MAD1L1: variants seen among roughly 807,000 people sequenced by gnomAD.
MAD1L1 encodes the protein mitotic arrest deficient 1 like 1.
A neutral mutation model predicts 96.9 loss-of-function variants in MAD1L1; 95 were observed. The ratio of observed to expected loss-of-function variants is 0.98; its 90% CI spans 0.83 to 1.16. The LOEUF (loss-of-function observed/expected upper bound fraction) is 1.16, where lower values mean the gene tolerates loss of function less well. MAD1L1 is among the 50% of genes most tolerant of loss of function. The pLI is 0.00. For synonymous variants in MAD1L1, 473 were observed against 396.6 expected (o/e 1.19, Z -2.29); for missense variants, 1,007 against 954.4 (o/e 1.06, Z -0.73).
At chr7:1,847,431 G>T (rs1318539859) in intron 18 of MAD1L1, 1 of 470,830 alleles carries the variant, frequency 2.1e-6, no homozygotes, top group Non-Finnish European at 4.4e-6. Context: ...CCAGGAGACA[G>T]TGGAGACCTC....
rs533756722 is a variant in MAD1L1, at chr7:2,011,113, G to A, written c.1359+3389C>T. On this transcript the variant is annotated intron_variant, in intron 13 of 18. Transcript: ENST00000265854. ...CTCTGTGGGGTCAGGAGCCCTCCCCGGCTGGGGCGATGGCGGCCCCCCACC... is the reference window on the plus strand; with the variant it reads ...CTCTGTGGGGTCAGGAGCCCTCCCCAGCTGGGGCGATGGCGGCCCCCCACC... Among the ~76,000 whole-genome samples the A allele has an allele frequency of 1.6e-3, 238 of 152,302 alleles. 5 individuals carry two copies. The highest frequency in any genetic ancestry group is 3.0e-3 in the Admixed American group (46 of 15,306).
intron 12 of MAD1L1, among the ~76,000 whole-genome samples, chr7:2,024,121 T>G (rs1425061389): frequency 7.3e-6 from 1 of 136,500 alleles, no homozygotes; most frequent in Non-Finnish European, 1.6e-5. Context: ...AAAAAAAAAA[T>G]AAAAAAAAGG....
intron 18 of MAD1L1, among the ~76,000 whole-genome samples, chr7:1,882,927 C>T (rs1049386114): frequency 1.4e-5 from 2 of 147,174 alleles, no homozygotes; most frequent in South Asian, 2.1e-4. Context: ...GCCCCAGGAA[C>T]CAGCTCTTTA....
chr7:2,059,493 G>A (rs1255491275), intron 12 of MAD1L1, among the ~76,000 whole-genome samples: 2 of 151,170 alleles, frequency 1.3e-5, no homozygotes, highest in African/African-American at 4.9e-5. Flanking sequence ...TGTGGCCAGA[G>A]GAGAGGAAAG....
At chr7:2,081,849 G>A (rs924894903) in intron 11 of MAD1L1, among the ~76,000 whole-genome samples, 1 of 152,242 alleles carries the variant, frequency 6.6e-6, no homozygotes, top group Middle Eastern at 3.2e-3. Flanking sequence ...GGGGAGGCTG[G>A]GCCTTCATGC....
intron 18 of MAD1L1, chr7:1,829,378 G>C (rs995923072): frequency 6.6e-6 from 1 of 152,300 alleles, no homozygotes; most frequent in African/African-American, 2.4e-5. Context: ...CGGCCCACAC[G>C]GCGAGGAGCT....
chr7:2,129,772 C>A (rs1229335344), intron 11 of MAD1L1, among the ~76,000 whole-genome samples: 4 of 152,196 alleles, frequency 2.6e-5, no homozygotes, highest in Non-Finnish European at 4.4e-5. Context: ...GTGCTCTCTG[C>A]ACCCCAGGCT....
intron 11 of MAD1L1, among the ~76,000 whole-genome samples, chr7:2,134,755 G>T (rs1196581040): frequency 1.3e-5 from 2 of 152,194 alleles, no homozygotes; most frequent in Admixed American, 1.3e-4. Flanking sequence ...GATTTGTGGG[G>T]TTCTCAGAGA....
intron 11 of MAD1L1, among the ~76,000 whole-genome samples, chr7:2,095,486 C>T (rs575805687): frequency 9.8e-5 from 15 of 152,348 alleles, no homozygotes; most frequent in African/African-American, 1.7e-4. Context: ...TGGGTTAGCG[C>T]GGCTCCCAGG....
intron 11 of MAD1L1, among the ~76,000 whole-genome samples, chr7:2,140,614 G>A (rs1788982215): frequency 6.6e-6 from 1 of 152,232 alleles, no homozygotes; most frequent in African/African-American, 2.4e-5. Context: ...GTGGGAGCCG[G>A]CCCCGCATCC....
chr7:2,027,163 A>G (rs1318078848), intron 12 of MAD1L1, among the ~76,000 whole-genome samples: 1 of 152,104 alleles, frequency 6.6e-6, no homozygotes, highest in African/African-American at 2.4e-5. Flanking sequence ...TGAATAAAGA[A>G]AAAAAAAGAA....
chr7:2,058,615 T>G (rs1234460670), intron 12 of MAD1L1, among the ~76,000 whole-genome samples: 7 of 23,628 alleles, frequency 3.0e-4, no homozygotes, highest in Admixed American at 1.0e-3. Context: ...GGGGCTAGAG[T>G]GGGAGTGTGG....
intron 18 of MAD1L1, among the ~76,000 whole-genome samples, chr7:1,875,128 C>A (rs1443254800): frequency 2.0e-5 from 3 of 152,146 alleles, no homozygotes; most frequent in Non-Finnish European, 4.4e-5. Flanking sequence ...AGACGACTAA[C>A]GAGCAGCTCC....
intron 12 of MAD1L1, among the ~76,000 whole-genome samples, chr7:2,024,551 C>A (rs968274548): frequency 6.6e-6 from 1 of 152,196 alleles, no homozygotes; most frequent in African/African-American, 2.4e-5. Flanking sequence ...GAGACCCCTC[C>A]CTGTAGACAT....
At chr7:2,118,526 A>T (rs1192444723) in intron 11 of MAD1L1, among the ~76,000 whole-genome samples, 1 of 152,204 alleles carries the variant, frequency 6.6e-6, no homozygotes, top group African/African-American at 2.4e-5. Flanking sequence ...ACGCGGCAAG[A>T]TACACACTAC....
intron 12 of MAD1L1, among the ~76,000 whole-genome samples, chr7:2,041,328 T>C (rs2128510766): frequency 1.3e-5 from 2 of 152,238 alleles, no homozygotes; most frequent in Middle Eastern, 6.8e-3. Flanking sequence ...GCCAACCCTT[T>C]GGAACGTAAT....
At chr7:2,129,265 G>A (rs1347041590) in intron 11 of MAD1L1, among the ~76,000 whole-genome samples, 7 of 152,346 alleles carry the variant, frequency 4.6e-5, no homozygotes, top group Middle Eastern at 3.4e-3. Context: ...GGCAGGGAGG[G>A]AGTGAAAGAA....
In MAD1L1 at chr7:1,980,491, CT is replaced by C. The variant is rs778547491; in HGVS notation, c.1466del (p.Gln489ArgfsTer15). The part of the protein sequence containing the change: ...MLKSQSSSAE[Q>X]SFLFSREEAD... ...CCTCCTCCCTGGAGAACAGGAAGCTCTGTTCGGCAGAGCTGGACTGAGACTT... is the reference window on the plus strand; with the variant it reads ...CCTCCTCCCTGGAGAACAGGAAGCTCGTTCGGCAGAGCTGGACTGAGACTT... On this transcript the variant is annotated frameshift_variant, in exon 15 of 19. Transcript: ENST00000265854. LOFTEE classifies it high-confidence loss of function. 1 of 1,600,548 alleles carries C rather than the reference CT, an allele frequency of 6.2e-7. No homozygotes were observed. The highest frequency in any genetic ancestry group is 1.1e-5 in the South Asian group (1 of 90,604).
Position 1,968,139 on chromosome 7 carries a change from G to A in MAD1L1, c.1506-10420C>T, listed in dbSNP as rs1257227846. On this transcript the variant is annotated intron_variant, in intron 15 of 18. Transcript: ENST00000265854. This position sits in a 1 kb window ranked among gnomAD's most constrained non-coding sequence, Gnocchi z 5.6. ...GTGCCCTGAGGGATTCGCTTCCAAG[G>A]AAGAGACTGGAGAAAGTGCAAACAG... 3.9e-5 allele frequency among the ~76,000 whole-genome samples: 6 copies of A among 152,218 alleles called. No individual in the cohort carries two copies. Among genetic ancestry groups the A allele is most frequent in the Admixed American group, 2.0e-4 (3 of 15,288 alleles).
Sources: gnomAD v4.1 joint callset for allele counts (sites outside exome capture counted in the v4.1 genomes callset) on GRCh38, gnomAD v4.1.1 for gene constraint, Gnocchi (gnomAD v3.1) non-coding constraint, MANE v1.5 for transcripts, NCBI Gene and HGNC (gene_info 2026-07-23, HGNC 2026-07-21) for gene names.